Variants in GPC3 observed in about 807,000 individuals in gnomAD.
The protein encoded by GPC3 is glypican-3.
GPC3 carries 3 observed loss-of-function variants against 34.4 expected under a neutral mutation model. That is an observed-to-expected ratio of 0.09 (90% CI 0.04 to 0.23). The LOEUF (loss-of-function observed/expected upper bound fraction) is 0.23, where lower values mean the gene tolerates loss of function less well. Ranked by LOEUF, GPC3 falls within the 10% of genes least tolerant of loss-of-function variation. GPC3 has a pLI of 1.00. For missense variants in GPC3, 351 were observed against 445.6 expected, an observed-to-expected ratio of 0.79 and a Z score of 1.91; for synonymous variants, 177 against 174.0, an observed-to-expected ratio of 1.02 and a Z score of -0.13.
intron 2 of GPC3, among the ~76,000 whole-genome samples, chrX:133,929,348 A>G (rs2076288626): frequency 9.0e-6 from 1 of 111,658 alleles, no homozygotes; most frequent in African/African-American, 3.3e-5. Context: ...TTCATTAAGC[A>G]TGTCTAAATA....
chrX:133,804,382 C>G (rs1006332743), intron 2 of GPC3, among the ~76,000 whole-genome samples: 2 of 110,584 alleles, frequency 1.8e-5, no homozygotes, highest in Non-Finnish European at 3.8e-5. Flanking sequence ...GAATCTGTAT[C>G]TTTAACCGTT....
At chrX:133,852,839 G>A (rs2075880885) in intron 2 of GPC3, among the ~76,000 whole-genome samples, 1 of 110,096 alleles carries the variant, frequency 9.1e-6, no homozygotes, top group African/African-American at 3.3e-5. Flanking sequence ...ACTTCTACTT[G>A]ACCCTATCTG....
intron 6 of GPC3, among the ~76,000 whole-genome samples, chrX:133,650,461 A>C (rs745507735): frequency 9.2e-4 from 94 of 102,185 alleles, no homozygotes; most frequent in African/African-American, 2.3e-3. Context: ...ACCCACCCAC[A>C]CACACACACA....
chrX:133,957,087 T>C (rs1212984055), intron 1 of GPC3, among the ~76,000 whole-genome samples: 3 of 111,772 alleles, frequency 2.7e-5, no homozygotes, highest in Non-Finnish European at 5.6e-5. Flanking sequence ...ATGTCAGATG[T>C]CCTGAAGAAA....
chrX:133,957,483 A>G (rs181127193), intron 1 of GPC3, among the ~76,000 whole-genome samples: 8 of 112,601 alleles, frequency 7.1e-5, no homozygotes, highest in African/African-American at 2.6e-4. Context: ...CATGAAATAA[A>G]TAAAACAGAA....
chrX:133,828,031 T>C (rs993461184), intron 2 of GPC3, among the ~76,000 whole-genome samples: 4 of 109,835 alleles, frequency 3.6e-5, no homozygotes, highest in Non-Finnish European at 7.6e-5. Context: ...TAAATTGTCA[T>C]AAGCTGAGAA....
chrX:133,710,016 C>T (rs985089618), intron 3 of GPC3, among the ~76,000 whole-genome samples: 1 of 111,790 alleles, frequency 8.9e-6, no homozygotes, highest in Admixed American at 9.5e-5. Flanking sequence ...TTTCTTTCCT[C>T]ACCTTTCAGA....
chrX:133,783,795 T>C (rs1411224396), intron 2 of GPC3, among the ~76,000 whole-genome samples: 4 of 112,699 alleles, frequency 3.5e-5, no homozygotes, highest in South Asian at 3.7e-4. Flanking sequence ...ATGCAAGCTA[T>C]TGCATTTGAA....
intron 4 of GPC3, among the ~76,000 whole-genome samples, chrX:133,695,835 A>G (rs1277154443): frequency 8.9e-6 from 1 of 112,449 alleles, no homozygotes; most frequent in Non-Finnish European, 1.9e-5. Flanking sequence ...TAATATTTCA[A>G]TGTAGTTTGT....
intron 6 of GPC3, among the ~76,000 whole-genome samples, chrX:133,660,958 C>T (rs915395279): frequency 9.0e-6 from 1 of 111,172 alleles, no homozygotes. Flanking sequence ...TGCTTGAGCC[C>T]AGGAGTTTGA....
At chrX:133,895,694 G>A (rs1013457322) in intron 2 of GPC3, among the ~76,000 whole-genome samples, 1 of 111,313 alleles carries the variant, frequency 9.0e-6, no homozygotes, top group Non-Finnish European at 1.9e-5. Flanking sequence ...AATGCACAGC[G>A]AATCACATAA....
intron 6 of GPC3, among the ~76,000 whole-genome samples, chrX:133,609,939 C>T (rs1228099463): frequency 8.9e-6 from 1 of 112,201 alleles, no homozygotes; most frequent in Non-Finnish European, 1.9e-5. Context: ...AATAAGTATA[C>T]AGTTGGAACT....
intron 2 of GPC3, among the ~76,000 whole-genome samples, chrX:133,906,533 T>G (rs2076168342): frequency 8.9e-6 from 1 of 112,014 alleles, no homozygotes; most frequent in Non-Finnish European, 1.9e-5. Context: ...CTTTGATATA[T>G]CTGAGCAATA....
chrX:133,717,252 G>A (rs763077706), intron 3 of GPC3, among the ~76,000 whole-genome samples: 50 of 110,873 alleles, frequency 4.5e-4, no homozygotes, highest in Non-Finnish European at 6.2e-4. Flanking sequence ...ATGAGCCACC[G>A]CACCTGGCTA....
At chrX:133,570,062 T>G (rs1175974174) in intron 7 of GPC3, among the ~76,000 whole-genome samples, 3 of 109,783 alleles carry the variant, frequency 2.7e-5, no homozygotes, top group Admixed American at 9.7e-5. Flanking sequence ...TGGCTAATTT[T>G]AAATATTTTT....
chrX:133,958,816 G>A (rs1475935029), intron 1 of GPC3, among the ~76,000 whole-genome samples: 35 of 106,047 alleles, frequency 3.3e-4, no homozygotes, highest in East Asian at 5.9e-4. Flanking sequence ...AACCCAGGAG[G>A]CGGAGGTTGC....
chrX:133,930,118 G>C (rs1378952264), intron 2 of GPC3, among the ~76,000 whole-genome samples: 1 of 111,726 alleles, frequency 9.0e-6, no homozygotes, highest in Non-Finnish European at 1.9e-5. Context: ...AAATTAAAGA[G>C]AACTAGATTT....
intron 6 of GPC3, among the ~76,000 whole-genome samples, chrX:133,624,396 A>G (rs1300610326): frequency 5.4e-5 from 6 of 111,767 alleles, no homozygotes; most frequent in Non-Finnish European, 1.1e-4. Flanking sequence ...AGATCAACAG[A>G]ATTGACAGAC....
intron 2 of GPC3, among the ~76,000 whole-genome samples, chrX:133,862,691 AAATAATAATAAT>A (rs770674766): frequency 9.3e-6 from 1 of 107,985 alleles, no homozygotes; most frequent in East Asian, 2.8e-4. Flanking sequence ...CTCCATCTCA[AAATAATAATAAT>A]AATAATAATA....
Sources: gnomAD v4.1 joint callset for allele counts (sites outside exome capture counted in the v4.1 genomes callset) on GRCh38, gnomAD v4.1.1 for gene constraint, MANE v1.5 for transcripts, NCBI Gene and HGNC (gene_info 2026-07-23, HGNC 2026-07-21) for gene names.